Variants in DLG2 observed in about 807,000 individuals in gnomAD.
The protein encoded by DLG2 is disks large homolog 2.
In DLG2, 45 loss-of-function variants were observed where a neutral mutation model predicts 132.5. The ratio of observed to expected loss-of-function variants is 0.34; its 90% confidence interval spans 0.27 to 0.44. DLG2 has a LOEUF of 0.44. Among genes scored for constraint, DLG2 ranks in the 20% least tolerant of loss-of-function variants. DLG2 has a pLI of 1.00. For missense variants in DLG2, 1,045 were observed against 1,196.9 expected (o/e 0.87, Z 1.87); for synonymous variants, 424 against 419.6 (o/e 1.01, Z -0.13).
chr11:85,289,558 A>G (rs1369154228), intron 3 of DLG2, among the ~76,000 whole-genome samples: 3 of 152,190 alleles, frequency 2.0e-5, no homozygotes, highest in African/African-American at 7.2e-5. Flanking sequence ...ATATGTTTGG[A>G]AAGTTGTAGG....
chr11:85,483,653 A>G (rs1268063734), intron 3 of DLG2, among the ~76,000 whole-genome samples: 1 of 152,174 alleles, frequency 6.6e-6, no homozygotes, highest in Non-Finnish European at 1.5e-5. Context: ...CAATCTATTA[A>G]GAATAATAGG....
At chr11:85,622,170 C>A (rs1003617930) in intron 2 of DLG2, among the ~76,000 whole-genome samples, 1 of 152,066 alleles carries the variant, frequency 6.6e-6, no homozygotes, top group Non-Finnish European at 1.5e-5. Flanking sequence ...ACTTAAAGTA[C>A]GTACATTGTT....
At chr11:84,714,610 T>TG (rs1565750202) in intron 6 of DLG2, among the ~76,000 whole-genome samples, 5 of 109,572 alleles carry the variant, frequency 4.6e-5, no homozygotes, top group African/African-American at 1.9e-4. Flanking sequence ...TCTCTTTCTC[T>TG]TTCTCTTTCT....
chr11:84,252,332 G>A (rs940329884), intron 7 of DLG2, among the ~76,000 whole-genome samples: 1 of 151,090 alleles, frequency 6.6e-6, no homozygotes, highest in Non-Finnish European at 1.5e-5. Flanking sequence ...TGTATTTTTA[G>A]TACAGACGGG....
chr11:84,908,816 A>ATTTCAACATATAAGCACTTATATGC (rs552475741), intron 6 of DLG2, among the ~76,000 whole-genome samples: 1 of 151,276 alleles, frequency 6.6e-6, no homozygotes, highest in African/African-American at 2.4e-5. Context: ...TTGAAAGCAT[A>ATTTCAACATATAAGCACTTATATGC]TTTCAACATA....
intron 7 of DLG2, among the ~76,000 whole-genome samples, chr11:84,465,090 A>G (rs2154487122): frequency 6.6e-6 from 1 of 151,340 alleles, no homozygotes; most frequent in African/African-American, 2.4e-5. Context: ...TTTAATTCAA[A>G]TAATAAACCG....
At chr11:84,733,005 G>A (rs1055457990) in intron 6 of DLG2, among the ~76,000 whole-genome samples, 1 of 152,118 alleles carries the variant, frequency 6.6e-6, no homozygotes, top group African/African-American at 2.4e-5. Context: ...ATTCCATGGT[G>A]TATATGTGCC....
At chr11:85,583,003 A>G (rs2078657597) in intron 3 of DLG2, among the ~76,000 whole-genome samples, 1 of 146,206 alleles carries the variant, frequency 6.8e-6, no homozygotes, top group Non-Finnish European at 1.5e-5. Context: ...CAAACTAGAA[A>G]CAATATCAGC....
At chr11:85,628,312 TC>T (rs1399241747), upstream of DLG2, among the ~76,000 whole-genome samples, 2 of 152,148 alleles carry the variant, frequency 1.3e-5, no homozygotes, top group African/African-American at 4.8e-5. Flanking sequence ...GGCCGCCCCA[TC>T]TTTCCCGCAG....
chr11:85,492,973 A>G (rs1448334727), intron 3 of DLG2, among the ~76,000 whole-genome samples: 1 of 152,170 alleles, frequency 6.6e-6, no homozygotes, highest in Non-Finnish European at 1.5e-5. Context: ...TGACTTTTGA[A>G]GGAGTTAGCG....
chr11:84,299,128 A>T (rs1460606835), intron 7 of DLG2, among the ~76,000 whole-genome samples: 1 of 152,198 alleles, frequency 6.6e-6, no homozygotes, highest in Non-Finnish European at 1.5e-5. Flanking sequence ...TAGGATAAAA[A>T]ATAGAGAACT....
rs114242003 is a variant in DLG2, at chr11:85,202,060, A to G, written c.187-47409T>C. ...AAAATGAAATAAAGAAAGCTTATGG[A>G]CTCTATGGAACAATGTTAAAGCAAA... is the stretch of plus-strand genomic sequence containing the variant. On this transcript the variant is annotated intron_variant, in intron 4 of 27. Transcript: ENST00000376104. Among the ~76,000 whole-genome samples the G allele has an allele frequency of 6.5e-3, 983 of 152,054 alleles. 10 individuals are homozygous for G. The highest frequency in any genetic ancestry group is 0.022 in the African/African-American group (928 of 41,514).
chr11:83,653,419 A>G (rs528335222), intron 18 of DLG2, among the ~76,000 whole-genome samples: 1 of 152,220 alleles, frequency 6.6e-6, no homozygotes, highest in Non-Finnish European at 1.5e-5. Flanking sequence ...AACAGCATAA[A>G]TCTCTTTTCT....
chr11:84,595,728 T>C (rs935424570), intron 6 of DLG2, among the ~76,000 whole-genome samples: 1 of 152,216 alleles, frequency 6.6e-6, no homozygotes, highest in Admixed American at 6.5e-5. Flanking sequence ...AAGCTTACTA[T>C]GATTCCTTTA....
At chr11:84,909,484 C>T (rs1022207305) in intron 6 of DLG2, among the ~76,000 whole-genome samples, 2 of 152,044 alleles carry the variant, frequency 1.3e-5, no homozygotes, top group African/African-American at 4.8e-5. Flanking sequence ...GGCAGTAACC[C>T]TCACCTGACA....
chr11:84,082,456 T>A (rs1226169847), intron 10 of DLG2, among the ~76,000 whole-genome samples: 1 of 152,198 alleles, frequency 6.6e-6, no homozygotes, highest in Non-Finnish European at 1.5e-5. Flanking sequence ...AAAAACAAGA[T>A]TACTTAATCT....
At chr11:84,858,153 A>G (rs966604180) in intron 6 of DLG2, among the ~76,000 whole-genome samples, 17 of 152,172 alleles carry the variant, frequency 1.1e-4, no homozygotes, top group African/African-American at 3.9e-4. Flanking sequence ...TCAGCCTCCT[A>G]AAGTGCTGGG....
chr11:83,626,719 G>C (rs2062595296), intron 19 of DLG2, among the ~76,000 whole-genome samples: 2 of 152,128 alleles, frequency 1.3e-5, no homozygotes, highest in African/African-American at 4.8e-5. Flanking sequence ...CATGTGGTTA[G>C]GAAGACTGAT....
chr11:85,051,642 T>C (rs112627504), intron 6 of DLG2, among the ~76,000 whole-genome samples: 1 of 152,202 alleles, frequency 6.6e-6, no homozygotes, highest in Admixed American at 6.5e-5. Flanking sequence ...AATACATTTA[T>C]AGTGCGGAGT....
Sources: gnomAD v4.1 joint callset for allele counts (sites outside exome capture counted in the v4.1 genomes callset) on GRCh38, gnomAD v4.1.1 for gene constraint, MANE v1.5 for transcripts, NCBI Gene and HGNC (gene_info 2026-07-23, HGNC 2026-07-21) for gene names.